Variants in KLRG1 observed in about 807,000 individuals in gnomAD.
The protein encoded by KLRG1 is killer cell lectin-like receptor subfamily G member 1.
KLRG1 carries 16 observed loss-of-function variants against 21.8 expected under a neutral mutation model. The ratio of observed to expected loss-of-function variants is 0.73; its 90% CI spans 0.50 to 1.11. The LOEUF (loss-of-function observed/expected upper bound fraction) is 1.11, where lower values mean the gene tolerates loss of function less well. KLRG1 is among the 50% of genes most tolerant of loss of function. The probability of loss-of-function intolerance (pLI) is 0.00; values close to 1 mark genes in which losing one functional copy is unlikely to be tolerated. For missense variants in KLRG1, 173 were observed against 218.3 expected, an observed-to-expected ratio of 0.79 and a Z score of 1.31; for synonymous variants, 69 against 75.9, an observed-to-expected ratio of 0.91 and a Z score of 0.47.
At chr12:9,165,270 T>C in the KLRG1 span, 3 of 1,614,118 alleles carry the variant, frequency 1.9e-6, no homozygotes, top group Non-Finnish European at 2.5e-6. Flanking sequence ...GTGGAAGAGA[T>C]ACCAAGTCCA....
chr12:9,197,047 C>A, the KLRG1 span: 1 of 1,613,554 alleles, frequency 6.2e-7, no homozygotes, highest in South Asian at 1.1e-5. Flanking sequence ...TCCTGCTTGT[C>A]ACAATTAAGA....
chr12:9,032,146 T>C, the KLRG1 span, among the ~76,000 whole-genome samples: 2 of 152,240 alleles, frequency 1.3e-5, no homozygotes, highest in Admixed American at 6.5e-5. Flanking sequence ...ATTGATTTTT[T>C]TGAGGGTGCA....
the KLRG1 span, among the ~76,000 whole-genome samples, chr12:9,025,516 A>G: frequency 6.6e-6 from 1 of 152,198 alleles, no homozygotes; most frequent in Admixed American, 6.5e-5. Flanking sequence ...ACATGCCTGT[A>G]GTCCCAGCTA....
the KLRG1 span, among the ~76,000 whole-genome samples, chr12:9,143,232 C>T: frequency 1.3e-5 from 2 of 152,182 alleles, no homozygotes; most frequent in Non-Finnish European, 2.9e-5. Context: ...GCTGTTTAAT[C>T]TGTGACAAAT....
At chr12:9,046,185 A>G in the KLRG1 span, among the ~76,000 whole-genome samples, 3 of 152,228 alleles carry the variant, frequency 2.0e-5, no homozygotes, top group Non-Finnish European at 2.9e-5. Context: ...TGAGCTTGAA[A>G]CTGAAAATTT....
At chr12:9,079,751 T>C in the KLRG1 span, 2 of 1,613,666 alleles carry the variant, frequency 1.2e-6, no homozygotes, top group African/African-American at 1.3e-5. Context: ...TATTCTGCTC[T>C]CCACAGCCAT....
At chr12:9,179,367 T>C in the KLRG1 span, among the ~76,000 whole-genome samples, 1 of 152,184 alleles carries the variant, frequency 6.6e-6, no homozygotes, top group Non-Finnish European at 1.5e-5. Flanking sequence ...CCCCAGCTTT[T>C]ACAATAGATC....
At chr12:9,008,442 G>T (rs1432317512) in intron 3 of KLRG1, among the ~76,000 whole-genome samples, 2 of 152,216 alleles carry the variant, frequency 1.3e-5, no homozygotes, top group African/African-American at 2.4e-5. Context: ...TTTAGAATTA[G>T]ATGTTAAATG....
chr12:9,195,611 ATTT>A, the KLRG1 span, among the ~76,000 whole-genome samples: 2 of 104,246 alleles, frequency 1.9e-5, no homozygotes, highest in Non-Finnish European at 3.8e-5. Context: ...CCCACTGCTA[ATTT>A]TTTTTTTTTT....
chr12:8,967,827 A>G (rs939013059), intron 1 of KLRG1, among the ~76,000 whole-genome samples: 1 of 152,288 alleles, frequency 6.6e-6, no homozygotes, highest in South Asian at 2.1e-4. Context: ...TGGGTATACT[A>G]TTGTAAAGTT....
chr12:9,091,292 A>G, the KLRG1 span: 40 of 1,614,090 alleles, frequency 2.5e-5, no homozygotes, highest in Non-Finnish European at 3.3e-5. Flanking sequence ...GAGCTCCACA[A>G]AGAAGGGCTG....
the KLRG1 span, chr12:9,157,023 C>A: frequency 1.9e-5 from 11 of 592,852 alleles, no homozygotes; most frequent in East Asian, 3.2e-4. Flanking sequence ...CATGTATCAG[C>A]CCATCACCTG....
the KLRG1 span, among the ~76,000 whole-genome samples, chr12:9,130,541 G>A: frequency 6.6e-6 from 1 of 151,758 alleles, no homozygotes; most frequent in African/African-American, 2.4e-5. Context: ...GCATTTCTCT[G>A]GTGATTAGTA....
chr12:9,178,132 C>T, the KLRG1 span, among the ~76,000 whole-genome samples: 2 of 152,166 alleles, frequency 1.3e-5, no homozygotes, highest in South Asian at 2.1e-4. Flanking sequence ...CCCCAATCTG[C>T]GGTTTTGGTT....
the KLRG1 span, chr12:9,079,994 G>A: frequency 1.1e-6 from 1 of 944,248 alleles, no homozygotes; most frequent in South Asian, 2.5e-5. Context: ...GAAGAAAGAA[G>A]TTAAAATTAT....
chr12:9,062,976 G>A, the KLRG1 span, among the ~76,000 whole-genome samples: 1 of 151,892 alleles, frequency 6.6e-6, no homozygotes, highest in Admixed American at 6.6e-5. Flanking sequence ...CAGACAACGT[G>A]GATGGACATA....
At chr12:8,998,960 A>G (rs1489113526) in intron 3 of KLRG1, among the ~76,000 whole-genome samples, 1 of 152,008 alleles carries the variant, frequency 6.6e-6, no homozygotes, top group Non-Finnish European at 1.5e-5. Flanking sequence ...GGCTCAAGTG[A>G]TCCTCTCGCC....
chr12:9,008,903 T>A, intron 3 of KLRG1, 72 bp from the exon 4 acceptor site: 2 of 962,496 alleles, frequency 2.1e-6, no homozygotes, highest in Non-Finnish European at 3.2e-6. Flanking sequence ...GTATTAGGAA[T>A]CCAATGTGGA....
At chr12:9,200,440 T>G in the KLRG1 span, 3 of 1,605,528 alleles carry the variant, frequency 1.9e-6, no homozygotes, top group African/African-American at 2.7e-5. Context: ...ACCTCAAACT[T>G]GGGAAGCACT....
Sources: gnomAD v4.1 joint callset for allele counts (sites outside exome capture counted in the v4.1 genomes callset) on GRCh38, gnomAD v4.1.1 for gene constraint, MANE v1.5 for transcripts, NCBI Gene and HGNC (gene_info 2026-07-23, HGNC 2026-07-21) for gene names.